PALD1: variants seen among roughly 807,000 people sequenced by gnomAD.
PALD1 encodes phosphatase domain containing paladin 1.
Under a neutral mutation model 96.0 loss-of-function variants are expected in PALD1, and 57 were observed. The ratio of observed to expected loss-of-function variants is 0.59; its 90% CI spans 0.48 to 0.74. The LOEUF is 0.74. Among genes scored for constraint, PALD1 ranks in the 30% least tolerant of loss-of-function variants. PALD1 has a pLI of 0.00. For missense variants in PALD1, 1,063 were observed against 1,143.7 expected (o/e 0.93, Z 1.02); for synonymous variants, 464 against 473.6 (o/e 0.98, Z 0.26).
At chr10:70,468,751 T>TG in the PALD1 span, among the ~76,000 whole-genome samples, 5 of 143,768 alleles carry the variant, frequency 3.5e-5, no homozygotes, top group East Asian at 2.2e-4. Context: ...TGTGTGTGTG[T>TG]TTTGAGATGG....
intron 1 of PALD1, among the ~76,000 whole-genome samples, chr10:70,504,262 C>A (rs1320584926): frequency 6.6e-6 from 1 of 152,234 alleles, no homozygotes; most frequent in East Asian, 1.9e-4. Flanking sequence ...CATGGTGGCT[C>A]ACGCCCGTAA....
chr10:70,558,078 G>C (rs1285016731), intron 18 of PALD1, among the ~76,000 whole-genome samples: 2 of 151,778 alleles, frequency 1.3e-5, no homozygotes, highest in East Asian at 3.9e-4. Flanking sequence ...GAATGACTGG[G>C]GCTACAGGCA....
rs947955877 is a variant in PALD1, at chr10:70,500,295, T to G, written c.-30+21236T>G. Among the ~76,000 whole-genome samples, 57 of 152,052 alleles carry G rather than the reference T, an allele frequency of 3.7e-4. 1 individual carries two copies. The highest frequency in any genetic ancestry group is 1.3e-3 in the African/African-American group (55 of 41,392). The stretch of plus-strand genomic sequence containing the variant: ...TGCTCAGGTGCCTCCACATGGTGCC[T>G]CCTCCCTGCAGCCCCACTAGGTGGA... On this transcript the variant is annotated intron_variant, in intron 1 of 19. Transcript: ENST00000263563.
At chr10:70,472,492 C>A in the PALD1 span, among the ~76,000 whole-genome samples, 1 of 152,156 alleles carries the variant, frequency 6.6e-6, no homozygotes, top group Middle Eastern at 3.4e-3. Context: ...AACTCCTGAC[C>A]TCAGGTGATC....
Position 70,529,992 on chromosome 10 carries a change from C to T in PALD1, c.392C>T (p.Thr131Ile), listed in dbSNP as rs747904062. The T allele has an allele frequency of 6.2e-7, 1 of 1,608,212 alleles. No individual in the cohort carries two copies. Among genetic ancestry groups the T allele is most frequent in the East Asian group, 2.3e-5 (1 of 44,322 alleles). Residue 131 changes from threonine to isoleucine, a missense_variant, in exon 4 of 20, where the codon ACT becomes ATT. Coordinates refer to ENST00000263563, the MANE Select transcript of PALD1 (RefSeq NM_014431.3). ...PNFRQVQGGL[T>I]VFGMGQPSLS... ...TTCCGGCAGGTGCAGGGTGGGCTCA[C>T]TGTGTTCGGCATGGGACAGCCCAGC... is the stretch of plus-strand genomic sequence containing the variant.
intron 5 of PALD1, among the ~76,000 whole-genome samples, chr10:70,531,677 T>C (rs1846995095): frequency 1.3e-5 from 2 of 152,032 alleles, no homozygotes; most frequent in Admixed American, 1.3e-4. Flanking sequence ...GCTTGTCTCC[T>C]TGATGCTCAA....
Position 70,539,064 on chromosome 10 carries a change from C to T in PALD1, c.1570-28C>T, listed in dbSNP as rs773210640. 1.2e-5 allele frequency: 20 copies of T among 1,613,574 alleles called. No homozygotes were observed. The East Asian group carries it at 4.5e-4, about 36-fold the overall frequency. On this transcript the variant is annotated intron_variant, in intron 13 of 19. Coordinates refer to ENST00000263563, the MANE Select transcript of PALD1 (RefSeq NM_014431.3). This position sits in a 1 kb window ranked among gnomAD's most constrained non-coding sequence, Gnocchi z 4.5. ...GTGGGTTTGGGGAGGGAGGGCTGAG[C>T]ACTCACTGCCGGCCCTCCTGTGCCC... is the stretch of plus-strand genomic sequence containing the variant.
chr10:70,509,825 C>G (rs1846476331), intron 1 of PALD1, among the ~76,000 whole-genome samples: 1 of 152,178 alleles, frequency 6.6e-6, no homozygotes, highest in East Asian at 1.9e-4. Context: ...GCAGCTTCTT[C>G]TGAGCGTGCA....
chr10:70,525,894 C>A lies in PALD1; in HGVS notation c.-29-29C>A, dbSNP rs900235185. 3 of 1,584,686 alleles carry A rather than the reference C, an allele frequency of 1.9e-6. No individual in the cohort carries two copies. The African/African-American group carries it at 4.0e-5, about 21-fold the overall frequency. On this transcript the variant is annotated intron_variant, in intron 1 of 19. Coordinates refer to ENST00000263563, the MANE Select transcript of PALD1 (RefSeq NM_014431.3). ...CCTGCTGTGGATTTTCCCATCCCCT[C>A]CTTCACTGCACACCCTCTTATCCTA...
intron 1 of PALD1, among the ~76,000 whole-genome samples, chr10:70,488,604 G>A (rs556047464): frequency 6.6e-6 from 1 of 152,190 alleles, no homozygotes; most frequent in South Asian, 2.1e-4. Context: ...TTTTTGGGGT[G>A]TAAATGAGCT....
chr10:70,527,728 C>T (rs573371598), intron 2 of PALD1, among the ~76,000 whole-genome samples: 1 of 152,314 alleles, frequency 6.6e-6, no homozygotes, highest in East Asian at 1.9e-4. Flanking sequence ...GAGTGGGAAC[C>T]CAGGCCTCTT....
intron 18 of PALD1, among the ~76,000 whole-genome samples, chr10:70,553,046 C>T (rs1034093626): frequency 3.3e-5 from 5 of 152,070 alleles, no homozygotes; most frequent in East Asian, 1.9e-4. Context: ...TCAGTGTGGC[C>T]GGAATGGTTA....
intron 7 of PALD1, 26 bp downstream of exon 7, chr10:70,533,096 G>A (rs1450905053): frequency 6.4e-7 from 1 of 1,554,940 alleles, no homozygotes; most frequent in Non-Finnish European, 8.7e-7. Flanking sequence ...GCGCGCATGG[G>A]GGAGGAGTCT....
Position 70,546,580 on chromosome 10 carries a change from T to G in PALD1, c.2122-726T>G, listed in dbSNP as rs1589213366. On this transcript the variant is annotated intron_variant, in intron 17 of 19. Transcript: ENST00000263563. ...CTGTGTAGTGTGCAAGACATTAAGT[T>G]GTGGATTGGTGGGGCTTATGCCACA... is the stretch of plus-strand genomic sequence containing the variant. 3.9e-5 allele frequency among the ~76,000 whole-genome samples: 6 copies of G among 152,336 alleles called. No homozygotes were observed. The South Asian group carries it at 1.2e-3, about 32-fold the overall frequency.
chr10:70,526,707 C>A (rs1354639726), intron 2 of PALD1, among the ~76,000 whole-genome samples: 6 of 152,020 alleles, frequency 3.9e-5, no homozygotes, highest in Non-Finnish European at 7.4e-5. Flanking sequence ...CCCTGTGGGG[C>A]TTGGAGGAAG....
In PALD1 at chr10:70,540,548, C is replaced by T. The variant is rs112891280; in HGVS notation, c.1909-554C>T. 0.015 allele frequency among the ~76,000 whole-genome samples: 2,326 copies of T among 151,936 alleles called. 33 individuals are homozygous for T. Among genetic ancestry groups the T allele is most frequent in the African/African-American group, 0.034 (1,387 of 41,402 alleles). On this transcript the variant is annotated intron_variant, in intron 15 of 19. Coordinates refer to ENST00000263563, the MANE Select transcript of PALD1 (RefSeq NM_014431.3). The surrounding 1 kb of genome is among the most constrained non-coding windows in gnomAD (Gnocchi z 4.2). ...TAGGTGAGCCACCGTGTGCGTGGTG[C>T]GTGTGTTGTAGGTGGGTCGCTGTGT...
At chr10:70,513,468 C>T (rs1846557575) in intron 1 of PALD1, among the ~76,000 whole-genome samples, 1 of 152,170 alleles carries the variant, frequency 6.6e-6, no homozygotes, top group Non-Finnish European at 1.5e-5. Context: ...CGAGATTGCA[C>T]CACTGCCCTC....
At position 70,539,079 on chromosome 10, in the gene PALD1, C is replaced by T. The variant is rs2132393621; in HGVS notation, c.1570-13C>T. 1.2e-6 allele frequency: 2 copies of T among 1,613,746 alleles called. No individual in the cohort carries two copies. Among genetic ancestry groups the T allele is most frequent in the East Asian group, 2.2e-5 (1 of 44,860 alleles). ...GAGGGCTGAGCACTCACTGCCGGCCCTCCTGTGCCCAGGCCCTGGGGAGCA... is the reference window on the plus strand; with the variant it reads ...GAGGGCTGAGCACTCACTGCCGGCCTTCCTGTGCCCAGGCCCTGGGGAGCA... On this transcript the variant is annotated splice_polypyrimidine_tract_variant and intron_variant, in intron 13 of 19. Coordinates refer to ENST00000263563, the MANE Select transcript of PALD1 (RefSeq NM_014431.3). This position sits in a 1 kb window ranked among gnomAD's most constrained non-coding sequence, Gnocchi z 4.5.
intron 1 of PALD1, among the ~76,000 whole-genome samples, chr10:70,514,455 C>CA (rs71472972): frequency 0.11 from 16,922 of 152,220 alleles, 1,036 homozygotes; most frequent in South Asian, 0.17. Flanking sequence ...TCCCAGCCCC[C>CA]AGACAGCTTT....
Sources: allele counts gnomAD v4.1 joint callset (sites outside exome capture counted in the v4.1 genomes callset), GRCh38; gene constraint gnomAD v4.1.1; non-coding constraint Gnocchi (gnomAD v3.1); transcripts MANE v1.5; gene names NCBI Gene and HGNC (gene_info 2026-07-23, HGNC 2026-07-21).